The following FCHO1 variants were observed in gnomAD, a reference collection of about 807,000 sequenced individuals.
FCHO1 encodes FCH and mu domain containing endocytic adaptor 1, also known as F-BAR domain only protein 1.
A neutral mutation model predicts 114.4 loss-of-function variants in FCHO1; 45 were observed. The observed-to-expected ratio is 0.39, with a 90% CI of 0.31 to 0.50. FCHO1 has a LOEUF of 0.50. FCHO1 is among the 20% of genes least tolerant of loss of function. The pLI is 0.77. For synonymous variants in FCHO1, 480 were observed against 488.9 expected, an observed-to-expected ratio of 0.98 and a Z score of 0.24; for missense variants, 1,042 against 1,209.6, an observed-to-expected ratio of 0.86 and a Z score of 2.06.
chr19:17,765,152 C>T (rs2088343906), intron 6 of FCHO1, among the ~76,000 whole-genome samples: 1 of 151,828 alleles, frequency 6.6e-6, no homozygotes, highest in Non-Finnish European at 1.5e-5. Context: ...GCCCGACCTC[C>T]CTGAACTGAG....
intron 6 of FCHO1, among the ~76,000 whole-genome samples, chr19:17,766,327 G>A (rs1443595071): frequency 3.3e-5 from 5 of 151,774 alleles, no homozygotes; most frequent in Non-Finnish European, 7.4e-5. Flanking sequence ...AGTACAGACG[G>A]GGGTTTCACC....
intron 4 of FCHO1, chr19:17,755,588 G>A (rs573018624): frequency 1.6e-4 from 29 of 179,480 alleles, no homozygotes; most frequent in African/African-American, 5.0e-4. Context: ...CTGACCTGGC[G>A]TCTCATGGCC....
chr19:17,758,968 T>C (rs746306257), intron 4 of FCHO1, among the ~76,000 whole-genome samples: 2 of 152,030 alleles, frequency 1.3e-5, no homozygotes, highest in Non-Finnish European at 2.9e-5. Flanking sequence ...AGCGAGACCC[T>C]GTCTCAAACA....
chr19:17,766,264 C>T (rs2089118007), intron 6 of FCHO1, among the ~76,000 whole-genome samples: 2 of 148,412 alleles, frequency 1.3e-5, no homozygotes, highest in South Asian at 4.3e-4. Context: ...GCAAGCTCCA[C>T]CTCCCGGGTT....
rs777216050 is a variant in FCHO1 at position 17,776,109 on chromosome 19, C to T, written c.1130C>T (p.Ala377Val). 32 of 1,612,664 alleles carry T rather than the reference C, an allele frequency of 2.0e-5. No homozygotes were observed. The highest frequency in any genetic ancestry group is 9.9e-5 in the South Asian group (9 of 91,054). ...RAPACSPEAA[A>V]AQLRATAGSL... ...CCAGCCTGCAGCCCCGAGGCAGCAG[C>T]GGCACAGCTCAGGGCCACCGCGGGC... is the stretch of plus-strand genomic sequence containing the variant. The change falls in exon 16 of 29, where the codon GCG becomes GTG. Residue 377 changes from alanine to valine, a missense_variant. Physicochemically the swap from Ala to Val is moderately conservative, Grantham distance 64. Coordinates refer to ENST00000596536, the MANE Select transcript of FCHO1 (RefSeq NM_015122.3). This position sits in a 1 kb window ranked among gnomAD's most constrained non-coding sequence, Gnocchi z 4.4.
At chr19:17,758,655 C>T (rs899437184) in intron 4 of FCHO1, 6 of 152,212 alleles carry the variant, frequency 3.9e-5, no homozygotes, top group African/African-American at 1.4e-4. Context: ...GAAACGTTAC[C>T]TAGCAGTGAC....
chr19:17,784,697 T>C lies in FCHO1; in HGVS notation c.2227-28T>C. ...GCAAGACAGGATGGCCCAAGCTGTG[T>C]CCTCTCTCTCATTCTCATTCTTCCT... On this transcript the variant is annotated intron_variant, in intron 25 of 28. Coordinates refer to ENST00000596536, the MANE Select transcript of FCHO1 (RefSeq NM_015122.3). This position sits in a 1 kb window ranked among gnomAD's most constrained non-coding sequence, Gnocchi z 5.3. 1.2e-6 allele frequency: 2 copies of C among 1,608,352 alleles called. No individual in the cohort carries two copies. Among genetic ancestry groups the C allele is most frequent in the South Asian group, 1.1e-5 (1 of 90,976 alleles).
rs1326891903 is a variant in FCHO1, at chr19:17,787,242, A to T, written c.2483-440A>T. Reference sequence around the variant, plus strand: ...CTGTCTCAAAAAAAAAAAAAAAAAAAAAAAAAAAAAAGCTGGAGGAGGGCC... The same window carrying T: ...CTGTCTCAAAAAAAAAAAAAAAAAATAAAAAAAAAAAGCTGGAGGAGGGCC... On this transcript the variant is annotated intron_variant, in intron 27 of 28. Transcript: ENST00000596536. Among the ~76,000 whole-genome samples, 203 of 147,950 alleles carry T rather than the reference A, an allele frequency of 1.4e-3. 3 individuals are homozygous for T. The highest frequency in any genetic ancestry group is 4.7e-3 in the African/African-American group (190 of 40,254).
chr19:17,748,809 G>A (rs1272379357), upstream of FCHO1, among the ~76,000 whole-genome samples: 3 of 152,132 alleles, frequency 2.0e-5, no homozygotes, highest in Non-Finnish European at 4.4e-5. Context: ...TGGGAGCTTC[G>A]GACCCTGCAT....
chr19:17,748,755 C>T (rs879360011), upstream of FCHO1, among the ~76,000 whole-genome samples: 3 of 152,186 alleles, frequency 2.0e-5, no homozygotes, highest in Non-Finnish European at 4.4e-5. Flanking sequence ...GGGCAGGTGA[C>T]AGCACCTTTC....
chr19:17,787,549 G>T, intron 27 of FCHO1, 133 bp from the exon 28 acceptor site: 4 of 988,310 alleles, frequency 4.0e-6, no homozygotes, highest in Non-Finnish European at 5.8e-6. Flanking sequence ...AGATGCAGGG[G>T]ATCAAAGGGA....
At position 17,772,532 on chromosome 19, in the gene FCHO1, G is replaced by C; in HGVS notation, c.670G>C (p.Asp224His). 1 of 1,614,132 alleles carries C rather than the reference G, an allele frequency of 6.2e-7. No individual in the cohort carries two copies. Among genetic ancestry groups the C allele is most frequent in the Non-Finnish European group, 8.5e-7 (1 of 1,180,026 alleles). The change falls in exon 10 of 29, where the codon GAC (aspartate) becomes CAC (histidine). Residue 224 changes from aspartate (D) to histidine (H), a missense_variant. Coordinates refer to ENST00000596536, the MANE Select transcript of FCHO1 (RefSeq NM_015122.3). ...GGGCTCATATGCTCACTCGGTGGAG[G>C]ACACGCACGTGCAGATTGGGCAGGT... is the stretch of plus-strand genomic sequence containing the variant. Reference protein sequence around the residue: ...LLGSYAHSVEDTHVQIGQVHE... With the variant: ...LLGSYAHSVEHTHVQIGQVHE...
At chr19:17,770,277 GACA>G (rs2091086148) in intron 7 of FCHO1, 145 bp from the exon 8 acceptor site, 1 of 721,760 alleles carries the variant, frequency 1.4e-6, no homozygotes, top group African/African-American at 1.8e-5. Flanking sequence ...CTCCAGCCTG[GACA>G]ACAAGAGCGA....
chr19:17,754,051 GC>G (rs1775167857), intron 1 of FCHO1, among the ~76,000 whole-genome samples: 1 of 152,134 alleles, frequency 6.6e-6, no homozygotes, highest in Admixed American at 6.5e-5. Context: ...TCCTGGGGAG[GC>G]CCCGGGAGCT....
In FCHO1 at chr19:17,787,570, G is replaced by A. The variant is rs892965329; in HGVS notation, c.2483-112G>A. 4 of 1,212,268 alleles carry A rather than the reference G, an allele frequency of 3.3e-6. No individual in the cohort carries two copies. The African/African-American group carries it at 4.6e-5, about 14-fold the overall frequency. The allele number at this position is 1,212,268 out of a possible 1,614,324, so 75.1% of individuals were successfully genotyped here. A position where few individuals can be genotyped will look rare whatever the true frequency, so the allele number is the denominator to read the frequency against. ...AGGGGATCAAAGGGAGGTCTGATGG[G>A]GCACATAAAGGCCACAGAACAGAGG... is the stretch of plus-strand genomic sequence containing the variant. On this transcript the variant is annotated intron_variant, in intron 27 of 28. Transcript: ENST00000596536.
At chr19:17,783,241 C>G (rs1011152368) in intron 24 of FCHO1, 69 bp downstream of exon 24, 3 of 1,484,176 alleles carry the variant, frequency 2.0e-6, no homozygotes, top group Non-Finnish European at 2.7e-6. Context: ...ACTCTGAGTT[C>G]CCTCTCTGCT....
intron 20 of FCHO1, 113 bp from the exon 21 acceptor site, chr19:17,781,118 G>A (rs1455042085): frequency 1.4e-6 from 1 of 713,590 alleles, no homozygotes; most frequent in Non-Finnish European, 2.4e-6. Context: ...GACCCATTGG[G>A]GGTCTCTGCA....
intron 28 of FCHO1, 43 bp from the exon 29 acceptor site, chr19:17,788,240 AC>A: frequency 1.5e-6 from 1 of 655,840 alleles, no homozygotes; most frequent in Non-Finnish European, 2.7e-6. Flanking sequence ...CCCCTCCCGT[AC>A]CCCTCCTCCC....
rs1319772993 is a variant in FCHO1, at chr19:17,785,070, G to A, written c.2426+146G>A. On this transcript the variant is annotated intron_variant, in intron 26 of 28. Coordinates refer to ENST00000596536, the MANE Select transcript of FCHO1 (RefSeq NM_015122.3). Reference sequence around the variant, plus strand: ...TGCTTAGCACTAAGGGTGATGTTATGAGTGCCAGGTGCAGTGGCTCATGCC... The same window carrying A: ...TGCTTAGCACTAAGGGTGATGTTATAAGTGCCAGGTGCAGTGGCTCATGCC... 1.6e-5 allele frequency: 12 copies of A among 766,432 alleles called. No homozygotes were observed. In the East Asian group the frequency reaches 3.2e-4, roughly 21 times the overall value. The allele number at this position is 766,432 out of a possible 1,614,324, so 47.5% of individuals were successfully genotyped here. A position where few individuals can be genotyped will look rare whatever the true frequency, so the allele number is the denominator to read the frequency against.
Sources: gnomAD v4.1 joint callset for allele counts (sites outside exome capture counted in the v4.1 genomes callset) on GRCh38, gnomAD v4.1.1 for gene constraint, Gnocchi (gnomAD v3.1) non-coding constraint, MANE v1.5 for transcripts, NCBI Gene and HGNC (gene_info 2026-07-23, HGNC 2026-07-21) for gene names.